The following WASF1 variants were observed in gnomAD, a reference collection of about 807,000 sequenced individuals.
The protein encoded by WASF1 is WASP family member 1.
Under a neutral mutation model 50.5 loss-of-function variants are expected in WASF1, and 7 were observed. That is an observed-to-expected ratio of 0.14 (90% CI 0.08 to 0.26). The LOEUF (loss-of-function observed/expected upper bound fraction) is 0.26. Among genes scored for constraint, WASF1 ranks in the 10% least tolerant of loss-of-function variants. The pLI is 1.00. For synonymous variants in WASF1, 205 were observed against 244.0 expected (o/e 0.84, Z 1.49); for missense variants, 470 against 694.7 (o/e 0.68, Z 3.64).
intron 4 of WASF1, among the ~76,000 whole-genome samples, chr6:110,125,885 A>G (rs1774396316): frequency 6.6e-6 from 1 of 152,218 alleles, no homozygotes; most frequent in Non-Finnish European, 1.5e-5. Context: ...TATATGGACT[A>G]TATAGACTTA....
chr6:110,107,364 A>G (rs1326847177), intron 6 of WASF1, among the ~76,000 whole-genome samples, 170 bp from the exon 7 acceptor site: 1 of 152,248 alleles, frequency 6.6e-6, no homozygotes, highest in Non-Finnish European at 1.5e-5. Flanking sequence ...CACAAATATG[A>G]GGAAACAAAG....
At chr6:110,140,653 A>G (rs139749236) in intron 3 of WASF1, among the ~76,000 whole-genome samples, 288 of 152,084 alleles carry the variant, frequency 1.9e-3, no homozygotes, top group African/African-American at 6.4e-3. Context: ...GCGGGGAAAA[A>G]CCCCACACAA....
At chr6:110,175,200 A>G (rs114545344) in intron 2 of WASF1, among the ~76,000 whole-genome samples, 6,032 of 152,210 alleles carry the variant, frequency 0.04, 136 homozygotes, top group East Asian at 0.12. Context: ...AAAAAATTCT[A>G]TGGAGACTGA....
intron 3 of WASF1, among the ~76,000 whole-genome samples, chr6:110,132,910 GTA>G (rs566001283): frequency 7.9e-6 from 1 of 127,122 alleles, no homozygotes; most frequent in East Asian, 2.3e-4. Flanking sequence ...GTGTGTCTGT[GTA>G]TATATATATA....
At chr6:110,174,328 T>C (rs1162106022) in intron 2 of WASF1, among the ~76,000 whole-genome samples, 4 of 152,168 alleles carry the variant, frequency 2.6e-5, no homozygotes, top group Non-Finnish European at 2.9e-5. Flanking sequence ...TTTTTTACTA[T>C]ACTGTTAACT....
chr6:110,102,142 G>C lies in WASF1; in HGVS notation c.968C>G (p.Thr323Ser). The change falls in exon 10 of 11, where the codon ACT (threonine) becomes AGT (serine). Residue 323 changes from threonine (T) to serine (S), a missense_variant. Around this residue, in one of 3 missense-constraint regions of WASF1, gnomAD observed 294 missense variants for 343.5 expected, o/e 0.86. Coordinates refer to ENST00000392589, the MANE Select transcript of WASF1 (RefSeq NM_003931.3). ...TGRTPVFVSP[T>S]PPPPPPPLPS... is the part of the protein sequence containing the mutation. Reference sequence around the variant, plus strand: ...AAGAGGTGGTGGAGGAGGTGGGGGAGTGGGGCTCACAAACACAGGTGTTCT... The same window carrying C: ...AAGAGGTGGTGGAGGAGGTGGGGGACTGGGGCTCACAAACACAGGTGTTCT... The C allele has an allele frequency of 6.8e-7, 1 of 1,479,804 alleles. No individual in the cohort carries two copies. Among genetic ancestry groups the C allele is most frequent in the South Asian group, 1.5e-5 (1 of 66,786 alleles). The allele number at this position is 1,479,804 out of a possible 1,614,324, so 91.7% of individuals were successfully genotyped here.
intron 3 of WASF1, among the ~76,000 whole-genome samples, chr6:110,147,517 C>G (rs1391826388): frequency 6.6e-6 from 1 of 151,918 alleles, no homozygotes. Flanking sequence ...CTGACAGAGT[C>G]AAGAAAACTG....
chr6:110,171,888 T>C (rs1411727404), intron 2 of WASF1, among the ~76,000 whole-genome samples: 1 of 152,094 alleles, frequency 6.6e-6, no homozygotes, highest in Non-Finnish European at 1.5e-5. Context: ...GAACAGACAC[T>C]TCTCAAAAGA....
chr6:110,128,611 A>G (rs1774516462), intron 3 of WASF1, among the ~76,000 whole-genome samples: 1 of 152,238 alleles, frequency 6.6e-6, no homozygotes, highest in Non-Finnish European at 1.5e-5. Context: ...TCGAGTTAGT[A>G]ACAACACTGC....
intron 3 of WASF1, among the ~76,000 whole-genome samples, chr6:110,133,985 CTTGTT>C (rs1774822749): frequency 6.6e-6 from 1 of 152,040 alleles, no homozygotes; most frequent in African/African-American, 2.4e-5. Flanking sequence ...AGAATTTTGT[CTTGTT>C]TTTATTTTTT....
chr6:110,173,565 A>G (rs1776805115), intron 2 of WASF1, among the ~76,000 whole-genome samples: 1 of 152,176 alleles, frequency 6.6e-6, no homozygotes, highest in African/African-American at 2.4e-5. Flanking sequence ...TTGCTGGTTG[A>G]CAAGTACCAC....
intron 4 of WASF1, among the ~76,000 whole-genome samples, chr6:110,126,775 G>GT (rs766691209): frequency 4.7e-5 from 7 of 150,230 alleles, no homozygotes; most frequent in Non-Finnish European, 7.4e-5. Context: ...AAAATAATTT[G>GT]TTTAATTCCT....
At chr6:110,159,298 C>T (rs984479971) in intron 3 of WASF1, among the ~76,000 whole-genome samples, 1 of 151,746 alleles carries the variant, frequency 6.6e-6, no homozygotes, top group Non-Finnish European at 1.5e-5. Flanking sequence ...GGAAAAAACA[C>T]AAAAACGAAA....
At chr6:110,165,807 C>T (rs551450505) in intron 2 of WASF1, among the ~76,000 whole-genome samples, 36 of 151,674 alleles carry the variant, frequency 2.4e-4, no homozygotes, top group Middle Eastern at 3.4e-3. Context: ...TTGGTATCAC[C>T]CCTGAACTTC....
chr6:110,174,288 C>T (rs1270377225), intron 2 of WASF1, among the ~76,000 whole-genome samples: 1 of 152,106 alleles, frequency 6.6e-6, no homozygotes, highest in Admixed American at 6.6e-5. Flanking sequence ...ACCAAAATTT[C>T]TAAGTACAAA....
At chr6:110,100,760 A>G in intron 10 of WASF1, 81 bp from the exon 11 acceptor site, 1 of 1,322,588 alleles carries the variant, frequency 7.6e-7, no homozygotes, top group South Asian at 1.8e-5. Context: ...AATAAAATCA[A>G]ATACACATGA....
intron 2 of WASF1, among the ~76,000 whole-genome samples, chr6:110,170,282 G>A (rs536793614): frequency 1.4e-4 from 21 of 152,072 alleles, no homozygotes; most frequent in Non-Finnish European, 2.5e-4. Flanking sequence ...GAGTATAGTG[G>A]TGCAATCTTG....
intron 3 of WASF1, among the ~76,000 whole-genome samples, chr6:110,154,704 T>C (rs1253600584): frequency 1.3e-5 from 2 of 152,070 alleles, no homozygotes; most frequent in Non-Finnish European, 1.5e-5. Context: ...TTGATTGATA[T>C]TTTACTTTAT....
At chr6:110,112,641 C>T (rs1164491572) in intron 5 of WASF1, among the ~76,000 whole-genome samples, 1 of 151,892 alleles carries the variant, frequency 6.6e-6, no homozygotes, top group African/African-American at 2.4e-5. Context: ...GTGGCTCATG[C>T]CTATAATCCC....
Sources: gnomAD v4.1 joint callset for allele counts (sites outside exome capture counted in the v4.1 genomes callset) on GRCh38, gnomAD v4.1.1 for gene constraint, gnomAD v4.1.1 regional missense constraint, MANE v1.5 for transcripts, NCBI Gene and HGNC (gene_info 2026-07-23, HGNC 2026-07-21) for gene names.